The following DEPDC4 variants were observed in gnomAD, a reference collection of about 807,000 sequenced individuals.
The protein encoded by DEPDC4 is DEP domain containing 4.
A neutral mutation model predicts 52.0 loss-of-function variants in DEPDC4; 52 were observed. The ratio of observed to expected loss-of-function variants is 1.00; its 90% confidence interval spans 0.80 to 1.26. The LOEUF is 1.26. Ranked by LOEUF, DEPDC4 falls within the 50% of genes most tolerant of loss-of-function variation. The pLI is 0.00. For missense variants in DEPDC4, 530 were observed against 546.9 expected (o/e 0.97, Z 0.31); for synonymous variants, 201 against 196.8 (o/e 1.02, Z -0.18).
chr12:100,263,618 C>A lies in DEPDC4; in HGVS notation c.433G>T (p.Glu145Ter). The change falls in exon 2 of 10, where the codon GAA (glutamate) becomes TAA (stop). Residue 145 changes from glutamate to a stop codon, truncating the protein, a stop_gained. Transcript: ENST00000550587. LOFTEE classifies it high-confidence loss of function. ...PVGMKKLFKKEKELEFEDSNI... is the reference protein window; with the variant it reads ...PVGMKKLFKK Reference sequence around the variant, plus strand: ...GAATCTTCAAATTCTAATTCCTTTTCTTTTTTGAAAAGCTTCTTCATTCCT... The same window carrying A: ...GAATCTTCAAATTCTAATTCCTTTTATTTTTTGAAAAGCTTCTTCATTCCT... 1 of 1,614,000 alleles carries A rather than the reference C, an allele frequency of 6.2e-7. No individual in the cohort carries two copies. The highest frequency in any genetic ancestry group is 2.2e-5 in the East Asian group (1 of 44,862).
intron 3 of DEPDC4, among the ~76,000 whole-genome samples, chr12:100,258,478 A>C (rs1177879503): frequency 6.6e-6 from 1 of 152,222 alleles, no homozygotes; most frequent in Non-Finnish European, 1.5e-5. Flanking sequence ...CAGTAAGTAA[A>C]AATAGATTTA....
chr12:100,247,485 C>T (rs942874666), intron 8 of DEPDC4, among the ~76,000 whole-genome samples: 3 of 152,080 alleles, frequency 2.0e-5, no homozygotes, highest in African/African-American at 7.2e-5. Flanking sequence ...GGATTACAGG[C>T]ATGAGCCACC....
At chr12:100,273,100 G>A in the DEPDC4 span, among the ~76,000 whole-genome samples, 2 of 152,042 alleles carry the variant, frequency 1.3e-5, no homozygotes, top group Admixed American at 6.6e-5. Flanking sequence ...GCTTGATAGA[G>A]TGATTGATCA....
chr12:100,257,975 TGATAGATAGATAGATAGATAGATA>T (rs3054280), intron 3 of DEPDC4, among the ~76,000 whole-genome samples: 7 of 149,322 alleles, frequency 4.7e-5, no homozygotes, highest in East Asian at 2.0e-4. Flanking sequence ...TAAAATGTAT[TGATAGATAGATAGATAGATAGATA>T]GATAGATAGA....
chr12:100,238,396 G>T (rs918206358), downstream of DEPDC4, among the ~76,000 whole-genome samples: 4 of 151,816 alleles, frequency 2.6e-5, no homozygotes, highest in African/African-American at 9.7e-5. Context: ...CTGATCTCAG[G>T]TCATCTGCCT....
chr12:100,252,413 G>A lies in DEPDC4; in HGVS notation c.1229C>T (p.Ala410Val), dbSNP rs1284722389. Residue 410 changes from alanine (A) to valine (V), a missense_variant, in exon 6 of 10, where the codon GCC becomes GTC. By Grantham distance (64) the Ala-to-Val change is moderately conservative. Coordinates refer to ENST00000550587, the MANE Select transcript of DEPDC4 (RefSeq NM_001364818.2). The stretch of plus-strand genomic sequence containing the variant: ...TTTCACCTGTTTTTGCAACTTGTAG[G>A]CATTGGGCTCTGATGCCATTGCCAT... ...TFMAMASEPN[A>V]YKLQKQYDNK... The A allele has an allele frequency of 6.3e-7, 1 of 1,579,850 alleles. No individual in the cohort carries two copies. The highest frequency in any genetic ancestry group is 8.5e-7 in the Non-Finnish European group (1 of 1,169,770).
At chr12:100,262,228 T>C (rs2096255907) in intron 3 of DEPDC4, 36 bp downstream of exon 3, 1 of 1,585,720 alleles carries the variant, frequency 6.3e-7, no homozygotes, top group South Asian at 1.1e-5. Flanking sequence ...TAGTTCTTCC[T>C]TACCATGTTC....
chr12:100,260,551 C>T (rs2096249958), intron 3 of DEPDC4, among the ~76,000 whole-genome samples: 1 of 151,618 alleles, frequency 6.6e-6, no homozygotes, highest in African/African-American at 2.4e-5. Flanking sequence ...GGGGACTCTC[C>T]TGCTTGCCCT....
At chr12:100,250,924 AAT>A (rs1206264703) in intron 7 of DEPDC4, among the ~76,000 whole-genome samples, 3 of 152,294 alleles carry the variant, frequency 2.0e-5, no homozygotes, top group South Asian at 2.1e-4. Flanking sequence ...GACCTTTTAA[AAT>A]ATGTTTCATT....
At chr12:100,274,567 C>G in the DEPDC4 span, among the ~76,000 whole-genome samples, 5 of 152,266 alleles carry the variant, frequency 3.3e-5, no homozygotes, top group Admixed American at 1.3e-4. Context: ...CTTCCTTGTG[C>G]TTTACTCTTA....
chr12:100,246,109 G>A (rs2096184062), intron 8 of DEPDC4, among the ~76,000 whole-genome samples: 1 of 147,242 alleles, frequency 6.8e-6, no homozygotes, highest in South Asian at 2.1e-4. Flanking sequence ...ACAGGCATAT[G>A]CCACTACGCC....
chr12:100,258,239 T>C (rs1252384617), intron 3 of DEPDC4, among the ~76,000 whole-genome samples: 3 of 152,114 alleles, frequency 2.0e-5, no homozygotes. Context: ...TGTTTTTAGG[T>C]ATCAATAAGA....
intron 8 of DEPDC4, among the ~76,000 whole-genome samples, 180 bp from the exon 9 acceptor site, chr12:100,242,749 T>C (rs41493648): frequency 0.028 from 4,227 of 152,320 alleles, 188 homozygotes; most frequent in African/African-American, 0.094. Context: ...AGTTTTAGCA[T>C]ACTTCTAGCA....
chr12:100,277,541 A>AAT, the DEPDC4 span, among the ~76,000 whole-genome samples: 1 of 152,120 alleles, frequency 6.6e-6, no homozygotes, highest in Admixed American at 6.5e-5. Context: ...TTCTGTTATT[A>AAT]ATATTGCCAC....
the DEPDC4 span, among the ~76,000 whole-genome samples, chr12:100,272,532 G>GC: frequency 7.2e-5 from 11 of 152,118 alleles, no homozygotes; most frequent in Non-Finnish European, 1.6e-4. Context: ...AGTCTGGACG[G>GC]TTTTTTCTAA....
chr12:100,279,179 G>C, the DEPDC4 span, among the ~76,000 whole-genome samples: 792 of 152,292 alleles, frequency 5.2e-3, 5 homozygotes, highest in African/African-American at 0.013. Flanking sequence ...TGGGAGGCTT[G>C]GTTTCAGGGT....
At chr12:100,273,379 G>A in the DEPDC4 span, among the ~76,000 whole-genome samples, 5 of 151,964 alleles carry the variant, frequency 3.3e-5, no homozygotes, top group African/African-American at 7.2e-5. Flanking sequence ...ATTCTGTAGC[G>A]TTTTATCACT....
At chr12:100,267,221 T>G (rs1266282452), upstream of DEPDC4, 2 of 790,090 alleles carry the variant, frequency 2.5e-6, no homozygotes, top group African/African-American at 2.0e-5. Flanking sequence ...GTCCCTCCCC[T>G]CCCCACCCCT....
intron 8 of DEPDC4, among the ~76,000 whole-genome samples, chr12:100,247,207 T>G (rs1293794348): frequency 7.6e-6 from 1 of 132,022 alleles, no homozygotes; most frequent in East Asian, 2.1e-4. Context: ...TAGTGTTTTT[T>G]TTTTTTTTTT....
Sources: gnomAD v4.1 joint callset for allele counts (sites outside exome capture counted in the v4.1 genomes callset) on GRCh38, gnomAD v4.1.1 for gene constraint, MANE v1.5 for transcripts, NCBI Gene and HGNC (gene_info 2026-07-23, HGNC 2026-07-21) for gene names.